LRRC58: variants seen among roughly 807,000 people sequenced by gnomAD.
LRRC58 encodes leucine-rich repeat-containing protein 58.
A neutral mutation model predicts 30.6 loss-of-function variants in LRRC58; 18 were observed. The observed-to-expected ratio is 0.59, with a 90% CI of 0.41 to 0.87. The LOEUF (loss-of-function observed/expected upper bound fraction) is 0.87, where lower values mean the gene tolerates loss of function less well. Among genes scored for constraint, LRRC58 ranks in the 40% least tolerant of loss-of-function variants. The pLI is 0.00. For missense variants in LRRC58, 420 were observed against 468.4 expected (o/e 0.90, Z 0.95); for synonymous variants, 221 against 206.0 (o/e 1.07, Z -0.62).
Position 120,335,023 on chromosome 3 carries a change from A to C in LRRC58, c.746T>G (p.Val249Gly). The change falls in exon 3 of 4, where the codon GTT becomes GGT. Residue 249 changes from valine (V) to glycine (G), a missense_variant. Physicochemically the swap from Val to Gly is moderately radical, Grantham distance 109 (BLOSUM62 -3). Coordinates refer to ENST00000295628, the MANE Select transcript of LRRC58 (RefSeq NM_001099678.2). ...ELSLRGNPLV[V>G]RFVRDLTYDP... is the part of the protein sequence containing the mutation. Reference sequence around the variant, plus strand: ...ATAGGTTAAATCTCTAACAAAACGAACAACCAATGGATTTCCTCGTAAACT... The same window carrying C: ...ATAGGTTAAATCTCTAACAAAACGACCAACCAATGGATTTCCTCGTAAACT... 6.2e-7 allele frequency: 1 copy of C among 1,613,982 alleles called. No individual in the cohort carries two copies. Among genetic ancestry groups the C allele is most frequent in the Non-Finnish European group, 8.5e-7 (1 of 1,179,884 alleles).
At position 120,335,058 on chromosome 3, in the gene LRRC58, C is replaced by A; in HGVS notation, c.711G>T (p.Leu237Phe). 1 of 1,613,814 alleles carries A rather than the reference C, an allele frequency of 6.2e-7. No individual in the cohort carries two copies. Among genetic ancestry groups the A allele is most frequent in the Non-Finnish European group, 8.5e-7 (1 of 1,179,832 alleles). The stretch of plus-strand genomic sequence containing the variant: ...GATTTCCTCGTAAACTCAACTCTTC[C>A]AAATGAATAAGGTTGAGGATCTCTC... ...LPREILNLIHLEELSLRGNPL... is the reference protein window; with the variant it reads ...LPREILNLIHFEELSLRGNPL... The change falls in exon 3 of 4, where the codon TTG (leucine) becomes TTT (phenylalanine). Residue 237 changes from leucine to phenylalanine, a missense_variant. Around this residue, in one of 2 missense-constraint regions of LRRC58, gnomAD observed 154 missense variants for 216.8 expected, o/e 0.71. Transcript: ENST00000295628.
chr3:120,327,500 C>A lies in LRRC58; in HGVS notation c.*3700G>T, dbSNP rs1007987440. The stretch of plus-strand genomic sequence containing the variant: ...CGATCTCCTGACCTCGTGATCCACC[C>A]GCCTCGGCCTCCCAAAGTGCTGGGA... On this transcript the variant is annotated 3_prime_UTR_variant, in exon 4 of 4. Coordinates refer to ENST00000295628, the MANE Select transcript of LRRC58 (RefSeq NM_001099678.2). The A allele has an allele frequency of 1.3e-5, 2 of 151,570 alleles. No individual in the cohort carries two copies. Among genetic ancestry groups the A allele is most frequent in the East Asian group, 3.9e-4 (2 of 5,148 alleles). The allele number at this position is 151,570 out of a possible 1,614,324, so 9.4% of individuals were successfully genotyped here.
chr3:120,342,646 A>G (rs940583668), intron 1 of LRRC58, among the ~76,000 whole-genome samples: 3 of 152,210 alleles, frequency 2.0e-5, no homozygotes, highest in African/African-American at 7.2e-5. Context: ...CTACTCACTC[A>G]TCTCAGCTGT....
In LRRC58 at chr3:120,331,321, GA is replaced by G; in HGVS notation, c.994del (p.Ser332HisfsTer48). The G allele has an allele frequency of 1.2e-6, 2 of 1,613,942 alleles. No homozygotes were observed. The highest frequency in any genetic ancestry group is 1.7e-6 in the Non-Finnish European group (2 of 1,179,838). Reference protein sequence around the residue: ...YRLPLMHYLCSPECSSPCSSA... With the variant: ...YRLPLMHYLCXPECSSPCSSA... ...ACTGCAAGGGGAAGAACATTCTGGT[GA>G]ACACAAGTAGTGCATCAGTGGGAGG... is the stretch of plus-strand genomic sequence containing the variant. On this transcript the variant is annotated frameshift_variant, in exon 4 of 4. Coordinates refer to ENST00000295628, the MANE Select transcript of LRRC58 (RefSeq NM_001099678.2). LOFTEE classifies it high-confidence loss of function.
At chr3:120,346,043 A>G (rs747841200) in intron 1 of LRRC58, among the ~76,000 whole-genome samples, 5 of 152,204 alleles carry the variant, frequency 3.3e-5, no homozygotes, top group Admixed American at 6.5e-5. Flanking sequence ...ACTTGAGGTC[A>G]GAAGTTTGAG....
At position 120,335,079 on chromosome 3, in the gene LRRC58, C is replaced by G. The variant is rs1935816157; in HGVS notation, c.690G>C (p.Glu230Asp). 3 of 1,613,928 alleles carry G rather than the reference C, an allele frequency of 1.9e-6. No homozygotes were observed. Among genetic ancestry groups the G allele is most frequent in the Non-Finnish European group, 2.5e-6 (3 of 1,179,848 alleles). ...CTTCCAAATGAATAAGGTTGAGGAT[C>G]TCTCGAGGCAGATATGTCAGCAAGT... ...HNNLLTYLPR[E>D]ILNLIHLEEL... is the part of the protein sequence containing the mutation. Residue 230 changes from glutamate to aspartate, a missense_variant, in exon 3 of 4, where the codon GAG (glutamate) becomes GAC (aspartate). This residue lies in a region of LRRC58 where 154 missense variants were observed against 216.8 expected (regional missense o/e 0.71). Transcript: ENST00000295628.
intron 1 of LRRC58, among the ~76,000 whole-genome samples, chr3:120,336,853 A>T (rs918019279): frequency 7.6e-6 from 1 of 131,500 alleles, no homozygotes; most frequent in South Asian, 2.3e-4. Context: ...TTTATATATA[A>T]AAAATATATA....
intron 1 of LRRC58, among the ~76,000 whole-genome samples, chr3:120,346,322 A>C (rs6438578): frequency 6.6e-6 from 1 of 152,016 alleles, no homozygotes; most frequent in Non-Finnish European, 1.5e-5. Context: ...CCAACCCCCC[A>C]ACAAAGATTC....
chr3:120,337,673 G>A (rs1245153612), intron 1 of LRRC58, among the ~76,000 whole-genome samples: 1 of 151,932 alleles, frequency 6.6e-6, no homozygotes, highest in East Asian at 1.9e-4. Context: ...TCTTGCTCTG[G>A]TGGTTAGTCT....
intron 1 of LRRC58, among the ~76,000 whole-genome samples, chr3:120,338,512 A>C (rs148224950): frequency 2.0e-5 from 3 of 152,362 alleles, no homozygotes; most frequent in African/African-American, 7.2e-5. Flanking sequence ...AAATGTCACA[A>C]AGAAAAAGGG....
At chr3:120,343,256 T>C (rs1247038194) in intron 1 of LRRC58, among the ~76,000 whole-genome samples, 3 of 152,266 alleles carry the variant, frequency 2.0e-5, no homozygotes, top group South Asian at 4.1e-4. Flanking sequence ...TTTTACTTTC[T>C]AACTCAAATA....
At position 120,349,281 on chromosome 3, in the gene LRRC58, G is replaced by A. The variant is rs1936023899; in HGVS notation, c.-38C>T. The A allele has an allele frequency of 7.4e-6, 10 of 1,352,694 alleles. No individual in the cohort carries two copies. The highest frequency in any genetic ancestry group is 9.4e-6 in the Non-Finnish European group (10 of 1,058,982). The allele number at this position is 1,352,694 out of a possible 1,614,324, so 83.8% of individuals were successfully genotyped here. ...ACGGCGCGTGGCGCCGGATTCCCCA[G>A]AGCGCCGCGCGCGGTCCAGAGGCCG... is the stretch of plus-strand genomic sequence containing the variant. On this transcript the variant is annotated 5_prime_UTR_variant, in exon 1 of 4. Coordinates refer to ENST00000295628, the MANE Select transcript of LRRC58 (RefSeq NM_001099678.2).
Position 120,349,276 on chromosome 3 carries a change from C to T in LRRC58, c.-33G>A, listed in dbSNP as rs1011961258. On this transcript the variant is annotated 5_prime_UTR_variant, in exon 1 of 4. Transcript: ENST00000295628. The stretch of plus-strand genomic sequence containing the variant: ...ACCGCACGGCGCGTGGCGCCGGATT[C>T]CCCAGAGCGCCGCGCGCGGTCCAGA... 22 of 1,353,646 alleles carry T rather than the reference C, an allele frequency of 1.6e-5. No homozygotes were observed. The South Asian group carries it at 3.6e-4, about 22-fold the overall frequency. 83.9% of individuals were successfully genotyped at this position (1,353,646 alleles called of 1,614,324 possible).
At chr3:120,338,818 G>A (rs1451512201) in intron 1 of LRRC58, among the ~76,000 whole-genome samples, 1 of 152,234 alleles carries the variant, frequency 6.6e-6, no homozygotes, top group African/African-American at 2.4e-5. Flanking sequence ...CTGAACAAAG[G>A]TTAGTCATTT....
At chr3:120,335,282 T>C in intron 2 of LRRC58, 143 bp from the exon 3 acceptor site, 1 of 735,064 alleles carries the variant, frequency 1.4e-6, no homozygotes. Context: ...AATAAAAAGG[T>C]GCTGAAACTA....
At position 120,325,076 on chromosome 3, in the gene LRRC58, G is replaced by A. The variant is rs1935655021; in HGVS notation, c.*6124C>T. ...CTCCCATTATGTTTTTGTTTCTCAT[G>A]AATACAAAGCAGGCTCAGAAATGCA... On this transcript the variant is annotated 3_prime_UTR_variant, in exon 4 of 4. Coordinates refer to ENST00000295628, the MANE Select transcript of LRRC58 (RefSeq NM_001099678.2). 1 of 152,128 alleles carries A rather than the reference G, an allele frequency of 6.6e-6. No individual in the cohort carries two copies. 9.4% of individuals were successfully genotyped at this position (152,128 alleles called of 1,614,324 possible). A position where few individuals can be genotyped will look rare whatever the true frequency, so the allele number is the denominator to read the frequency against.
chr3:120,331,743 A>ACCC (rs1453216862), intron 3 of LRRC58, among the ~76,000 whole-genome samples: 1 of 152,122 alleles, frequency 6.6e-6, no homozygotes, highest in African/African-American at 2.4e-5. Context: ...TACCCAAGCC[A>ACCC]CCCCCTTGGT....
intron 3 of LRRC58, 65 bp from the exon 4 acceptor site, chr3:120,331,473 T>C: frequency 1.6e-6 from 2 of 1,245,720 alleles, no homozygotes; most frequent in Non-Finnish European, 2.3e-6. Flanking sequence ...TTTTCAGCCC[T>C]TTCTCCAGTG....
rs552570092 is a variant in LRRC58, at chr3:120,327,418, A to ATT, written c.*3780_*3781dup. ...AGGCGCCCGCCATCACGCCCGGCTA[A>ATT]TTTTTTTTTGTATTTTTAGTAGAGA... On this transcript the variant is annotated 3_prime_UTR_variant, in exon 4 of 4. Transcript: ENST00000295628. 14 of 148,432 alleles carry ATT rather than the reference A, an allele frequency of 9.4e-5. No homozygotes were observed. Among genetic ancestry groups the ATT allele is most frequent in the Admixed American group, 4.7e-4 (7 of 14,944 alleles). The allele number at this position is 148,432 out of a possible 1,614,324, so 9.2% of individuals were successfully genotyped here.
Sources: gnomAD v4.1 joint callset for allele counts (sites outside exome capture counted in the v4.1 genomes callset) on GRCh38, gnomAD v4.1.1 for gene constraint, gnomAD v4.1.1 regional missense constraint, MANE v1.5 for transcripts, NCBI Gene and HGNC (gene_info 2026-07-23, HGNC 2026-07-21) for gene names.